The following SLC4A4 variants were observed in gnomAD, a reference collection of about 807,000 sequenced individuals.
SLC4A4 encodes electrogenic sodium bicarbonate cotransporter 1.
SLC4A4 carries 27 observed loss-of-function variants against 111.5 expected under a neutral mutation model. The observed-to-expected ratio is 0.24, with a 90% CI of 0.18 to 0.33. The LOEUF is 0.33. Among genes scored for constraint, SLC4A4 ranks in the 10% least tolerant of loss-of-function variants. The pLI is 1.00. For synonymous variants in SLC4A4, 443 were observed against 463.4 expected (o/e 0.96, Z 0.57); for missense variants, 909 against 1,315.5 (o/e 0.69, Z 4.78).
intron 2 of SLC4A4, among the ~76,000 whole-genome samples, chr4:71,240,580 A>G (rs1184844037): frequency 6.6e-6 from 1 of 152,150 alleles, no homozygotes. Flanking sequence ...ATAATTCTAC[A>G]AATTCACATG....
intron 7 of SLC4A4, among the ~76,000 whole-genome samples, chr4:71,412,661 T>G (rs1037552111): frequency 1.3e-5 from 2 of 152,210 alleles, no homozygotes; most frequent in Admixed American, 1.3e-4. Flanking sequence ...CATTATAGAC[T>G]GTGAGATGAA....
At chr4:71,493,311 C>T (rs1309214258) in intron 15 of SLC4A4, among the ~76,000 whole-genome samples, 4 of 151,944 alleles carry the variant, frequency 2.6e-5, no homozygotes, top group Non-Finnish European at 5.9e-5. Context: ...ACTGGGCATC[C>T]TACATTTTAC....
chr4:71,106,548 A>T (rs1488882926), intron 2 of SLC4A4, among the ~76,000 whole-genome samples: 2 of 145,910 alleles, frequency 1.4e-5, no homozygotes, highest in Non-Finnish European at 3.0e-5. Context: ...GATAGACTGG[A>T]TTAAGAAAAT....
intron 2 of SLC4A4, among the ~76,000 whole-genome samples, chr4:71,098,776 C>T (rs1237378167): frequency 6.6e-6 from 1 of 151,968 alleles, no homozygotes; most frequent in Non-Finnish European, 1.5e-5. Context: ...GAAAATCTAC[C>T]AAGCAAATCA....
Position 71,569,992 on chromosome 4 carries a change from T to C in SLC4A4, c.*2241T>C, listed in dbSNP as rs1415991827. On this transcript the variant is annotated 3_prime_UTR_variant, in exon 26 of 26. Transcript: ENST00000264485. ...TGAGTCTATATTATCTAGCTTTCTA[T>C]TACCCTAATATAAACTGGTATAAGA... is the stretch of plus-strand genomic sequence containing the variant. 2.0e-4 allele frequency: 30 copies of C among 151,800 alleles called. No individual in the cohort carries two copies. Among genetic ancestry groups the C allele is most frequent in the Admixed American group, 2.0e-3 (30 of 15,198 alleles). 9.4% of individuals were successfully genotyped at this position (151,800 alleles called of 1,614,324 possible).
At chr4:71,069,356 CA>C (rs751719555) in intron 1 of SLC4A4, among the ~76,000 whole-genome samples, 1 of 151,098 alleles carries the variant, frequency 6.6e-6, no homozygotes, top group Non-Finnish European at 1.5e-5. Flanking sequence ...TCCCTGAGGA[CA>C]AAAAAAACCA....
intron 6 of SLC4A4, among the ~76,000 whole-genome samples, chr4:71,382,780 A>G (rs1293092383): frequency 6.6e-6 from 1 of 152,194 alleles, no homozygotes; most frequent in Non-Finnish European, 1.5e-5. Context: ...CCCAGTCTCC[A>G]GAGAACCCAC....
At position 71,476,559 on chromosome 4, in the gene SLC4A4, C is replaced by A. The variant is rs183232401; in HGVS notation, c.1903+3589C>A. 1.6e-4 allele frequency among the ~76,000 whole-genome samples: 24 copies of A among 151,818 alleles called. 1 individual carries two copies. The highest frequency in any genetic ancestry group is 1.4e-3 in the Admixed American group (21 of 15,212). On this transcript the variant is annotated intron_variant, in intron 14 of 25. Coordinates refer to ENST00000264485, the MANE Select transcript of SLC4A4 (RefSeq NM_001098484.3). ...GGGCCACTAATTACTAAAGAAACCT[C>A]TCTTCATGGCCACAATATATTGTGG...
chr4:71,295,031 G>A (rs959356524), intron 3 of SLC4A4, among the ~76,000 whole-genome samples: 1 of 152,108 alleles, frequency 6.6e-6, no homozygotes, highest in Admixed American at 6.5e-5. Context: ...AAGGCATAAG[G>A]TATACTTTTT....
At chr4:71,132,152 G>T (rs1001585432) in intron 2 of SLC4A4, among the ~76,000 whole-genome samples, 43 of 152,204 alleles carry the variant, frequency 2.8e-4, no homozygotes, top group African/African-American at 9.4e-4. Context: ...TAGTTCCAGT[G>T]TTTAGGATTG....
chr4:71,107,710 G>GTT (rs35648709), intron 2 of SLC4A4, among the ~76,000 whole-genome samples: 8 of 148,380 alleles, frequency 5.4e-5, no homozygotes, highest in African/African-American at 2.0e-4. Flanking sequence ...TTTCTTTCTT[G>GTT]TTTTTTTTTT....
chr4:71,100,680 T>C (rs142078028), intron 2 of SLC4A4, among the ~76,000 whole-genome samples: 38 of 152,322 alleles, frequency 2.5e-4, no homozygotes, highest in African/African-American at 8.7e-4. Flanking sequence ...GATGGCATAA[T>C]ACTGTATCTA....
intron 2 of SLC4A4, among the ~76,000 whole-genome samples, chr4:71,133,131 T>C (rs1743752400): frequency 6.6e-6 from 1 of 152,202 alleles, no homozygotes; most frequent in Admixed American, 6.5e-5. Flanking sequence ...AAATGAGTGA[T>C]AGCACTGAGT....
chr4:71,554,767 T>C (rs1390913916), intron 20 of SLC4A4, among the ~76,000 whole-genome samples: 1 of 151,838 alleles, frequency 6.6e-6, no homozygotes, highest in Non-Finnish European at 1.5e-5. Context: ...AACCATCTAT[T>C]AATACCTCTG....
At position 71,421,108 on chromosome 4, in the gene SLC4A4, A is replaced by G. The variant is rs1459821467; in HGVS notation, c.808-19508A>G. 2.7e-5 allele frequency among the ~76,000 whole-genome samples: 4 copies of G among 150,604 alleles called. No individual in the cohort carries two copies. The East Asian group carries it at 5.8e-4, about 22-fold the overall frequency. ...GGAAACCCATCTCACGTGCAGAGAC[A>G]CACATAGGCTCAAAATAAAAGGATG... On this transcript the variant is annotated intron_variant, in intron 7 of 25. Transcript: ENST00000264485.
At chr4:71,230,080 AAAAAT>A (rs1166428991) in intron 1 of SLC4A4, among the ~76,000 whole-genome samples, 1 of 152,202 alleles carries the variant, frequency 6.6e-6, no homozygotes, top group Non-Finnish European at 1.5e-5. Flanking sequence ...ATCATGAAAA[AAAAAT>A]CACGTTTGCA....
intron 14 of SLC4A4, among the ~76,000 whole-genome samples, chr4:71,477,185 T>G (rs1728449328): frequency 6.6e-6 from 1 of 151,788 alleles, no homozygotes; most frequent in Admixed American, 6.6e-5. Context: ...CTTTGTTTGA[T>G]AAACTCTGAA....
At chr4:71,089,778 C>G (rs1269404029) in intron 1 of SLC4A4, among the ~76,000 whole-genome samples, 1 of 151,896 alleles carries the variant, frequency 6.6e-6, no homozygotes, top group Non-Finnish European at 1.5e-5. Flanking sequence ...AGAGGAGTAC[C>G]CGGCCATGTG....
intron 2 of SLC4A4, among the ~76,000 whole-genome samples, chr4:71,167,980 T>C (rs1744827619): frequency 6.6e-6 from 1 of 152,050 alleles, no homozygotes; most frequent in Admixed American, 6.5e-5. Flanking sequence ...TAATGTCTTT[T>C]TTTATTTTTT....
Sources: gnomAD v4.1 joint callset for allele counts (sites outside exome capture counted in the v4.1 genomes callset) on GRCh38, gnomAD v4.1.1 for gene constraint, MANE v1.5 for transcripts, NCBI Gene and HGNC (gene_info 2026-07-23, HGNC 2026-07-21) for gene names.